OFD1: variants seen among roughly 807,000 people sequenced by gnomAD.
The protein encoded by OFD1 is centriole and centriolar satellite protein OFD1.
In OFD1, 12 loss-of-function variants were observed where a neutral mutation model predicts 81.4. That is an observed-to-expected ratio of 0.15 (90% CI 0.09 to 0.24). The LOEUF is 0.24. Among genes scored for constraint, OFD1 ranks in the 10% least tolerant of loss-of-function variants. The pLI is 1.00. For synonymous variants in OFD1, 256 were observed against 263.7 expected (o/e 0.97, Z 0.28); for missense variants, 685 against 733.9 (o/e 0.93, Z 0.77).
upstream of OFD1, among the ~76,000 whole-genome samples, chrX:13,732,865 C>G (rs1438397362): frequency 1.8e-5 from 2 of 112,817 alleles, no homozygotes; most frequent in African/African-American, 3.2e-5. Context: ...TCTAGAAAAA[C>G]TGCCCTGTGC....
Position 13,735,327 on chromosome X carries a change from G to T in OFD1, c.92G>T (p.Gly31Val). ...CTATACCAGACGTTTAAGGATCGGG[G>T]TATACTGGATACACTCAAGGTATCG... is the stretch of plus-strand genomic sequence containing the variant. ...KKLYQTFKDR[G>V]ILDTLKTQLR... Residue 31 changes from glycine (G) to valine (V), a missense_variant, in exon 2 of 23, where the codon GGT becomes GTT. Gly to Val is a moderately radical substitution (Grantham distance 109). Transcript: ENST00000340096. The T allele has an allele frequency of 8.3e-7, 1 of 1,207,124 alleles. No homozygotes were observed. Among genetic ancestry groups the T allele is most frequent in the Non-Finnish European group, 1.1e-6 (1 of 890,910 alleles).
rs143068732 is a variant in OFD1 at position 13,761,847 on chromosome X, C to T, written c.2388-497C>T. On this transcript the variant is annotated intron_variant, in intron 17 of 22. Transcript: ENST00000340096. Reference sequence around the variant, plus strand: ...GACTCCTTAGCTCCAGGCTCGATCTCGGGCATCTGCATGTTAATGTAGTTC... The same window carrying T: ...GACTCCTTAGCTCCAGGCTCGATCTTGGGCATCTGCATGTTAATGTAGTTC... Among the ~76,000 whole-genome samples, 78 of 105,547 alleles carry T rather than the reference C, an allele frequency of 7.4e-4. No individual in the cohort carries two copies. The East Asian group carries it at 0.019, about 26-fold the overall frequency. The allele number at this position is 105,547 out of a possible 115,157, so 91.7% of individuals were successfully genotyped here.
Position 13,753,074 on chromosome X carries a change from G to T in OFD1, c.1056-294G>T, listed in dbSNP as rs183795540. 215 of 928,919 alleles carry T rather than the reference G, an allele frequency of 2.3e-4. No individual in the cohort carries two copies. In the South Asian group the frequency reaches 5.8e-3, roughly 25 times the overall value. 76.6% of individuals were successfully genotyped at this position (928,919 alleles called of 1,213,427 possible). A position where few individuals can be genotyped will look rare whatever the true frequency, so the allele number is the denominator to read the frequency against. On this transcript the variant is annotated intron_variant, in intron 10 of 22. Transcript: ENST00000340096. ...ATTTACCCCTTTGCTCTTTGTGTCA[G>T]TTGAGACCAACTGAAAAGTGATTGC...
chrX:13,770,950 A>G (rs149101359), downstream of OFD1: 11 of 112,867 alleles, frequency 9.7e-5, no homozygotes, highest in East Asian at 2.8e-3. Context: ...GAATGAAGCT[A>G]TAATTTTATT....
chrX:13,736,171 C>T, intron 2 of OFD1: 3 of 889,332 alleles, frequency 3.4e-6, no homozygotes, highest in Non-Finnish European at 4.1e-6. Context: ...TCGTAAGCTG[C>T]TGAAATGGGC....
chrX:13,754,582 A>C (rs141763020), intron 11 of OFD1, among the ~76,000 whole-genome samples: 1 of 109,734 alleles, frequency 9.1e-6, no homozygotes, highest in East Asian at 2.9e-4. Flanking sequence ...ATGCCTGGCT[A>C]ATTTTTGTAG....
intron 12 of OFD1, among the ~76,000 whole-genome samples, chrX:13,755,946 CTTTTTTT>C (rs34300430): frequency 3.1e-5 from 2 of 65,098 alleles, no homozygotes; most frequent in Non-Finnish European, 5.3e-5. Context: ...CTTTCTTTCC[CTTTTTTT>C]TTTTTTTTTT....
At position 13,769,320 on chromosome X, in the gene OFD1, C is replaced by T. The variant is rs2048256680; in HGVS notation, c.*212C>T. The T allele has an allele frequency of 7.4e-6, 3 of 405,139 alleles. No homozygotes were observed. The East Asian group carries it at 1.2e-4, about 16-fold the overall frequency. The allele number at this position is 405,139 out of a possible 1,213,427, so 33.4% of individuals were successfully genotyped here. A position where few individuals can be genotyped will look rare whatever the true frequency, so the allele number is the denominator to read the frequency against. The stretch of plus-strand genomic sequence containing the variant: ...AACCTCTTCTCCAGTCATAGTATTT[C>T]TCATTCATTATAATAAAAGTAACTG... On this transcript the variant is annotated 3_prime_UTR_variant, in exon 23 of 23. Coordinates refer to ENST00000340096, the MANE Select transcript of OFD1 (RefSeq NM_003611.3).
intron 9 of OFD1, 135 bp downstream of exon 9, chrX:13,749,668 C>A: frequency 2.1e-6 from 1 of 476,557 alleles, no homozygotes; most frequent in African/African-American, 2.4e-5. Flanking sequence ...CTAGAAGGTA[C>A]AAATTAAGAG....
At chrX:13,737,146 CTTT>C (rs1037045357) in intron 3 of OFD1, among the ~76,000 whole-genome samples, 4 of 93,886 alleles carry the variant, frequency 4.3e-5, no homozygotes, top group African/African-American at 1.5e-4. Context: ...AACATGAGCT[CTTT>C]TTTTCCTGCA....
At chrX:13,716,959 AT>A in the OFD1 span, among the ~76,000 whole-genome samples, 4 of 105,500 alleles carry the variant, frequency 3.8e-5, no homozygotes, top group Non-Finnish European at 5.8e-5. Context: ...TTTCATATAA[AT>A]TTTTTTTCAT....
At position 13,763,780 on chromosome X, in the gene OFD1, G is replaced by A. The variant is rs146047094; in HGVS notation, c.2524G>A (p.Gly842Arg). ...GNMPRQLEMGGLSPAGDMSHV... is the reference protein window; with the variant it reads ...GNMPRQLEMGRLSPAGDMSHV... The stretch of plus-strand genomic sequence containing the variant: ...CATGCCAAGGCAGTTGGAAATGGGC[G>A]GGCTTTCTCCTGCCGGGGATATGTC... Residue 842 changes from glycine (G) to arginine (R), a missense_variant, in exon 19 of 23, where the codon GGG (glycine) becomes AGG (arginine). By Grantham distance (125) the Gly-to-Arg change is moderately radical (BLOSUM62 -2). Coordinates refer to ENST00000340096, the MANE Select transcript of OFD1 (RefSeq NM_003611.3). 2.9e-4 allele frequency: 348 copies of A among 1,209,533 alleles called. 1 individual carries two copies. The East Asian group carries it at 9.2e-3, about 32-fold the overall frequency.
chrX:13,725,466 G>T, the OFD1 span, among the ~76,000 whole-genome samples: 1 of 112,331 alleles, frequency 8.9e-6, no homozygotes, highest in South Asian at 3.7e-4. Flanking sequence ...GGCAAACGGG[G>T]TCTGGAGTGG....
At chrX:13,767,433 A>T (rs2048172580) in intron 20 of OFD1, 149 bp downstream of exon 20, 5 of 563,419 alleles carry the variant, frequency 8.9e-6, no homozygotes, top group Non-Finnish European at 1.5e-5. Flanking sequence ...TCCTTGTCTT[A>T]AAAGCAGTGG....
rs2047909079 is a variant in OFD1, at chrX:13,761,078, A to G, written c.2261-7A>G. ...ATATTCTTGCCTTGGTTCTTTCTGC[A>G]CCTTAGGTCTGGGCAGATCACACAT... On this transcript the variant is annotated splice_polypyrimidine_tract_variant and splice_region_variant and intron_variant, in intron 16 of 22. Coordinates refer to ENST00000340096, the MANE Select transcript of OFD1 (RefSeq NM_003611.3). 1 of 1,209,231 alleles carries G rather than the reference A, an allele frequency of 8.3e-7. No individual in the cohort carries two copies. Among genetic ancestry groups the G allele is most frequent in the Non-Finnish European group, 1.1e-6 (1 of 894,985 alleles).
At chrX:13,746,028 C>T (rs2047281623) in intron 6 of OFD1, among the ~76,000 whole-genome samples, 1 of 112,384 alleles carries the variant, frequency 8.9e-6, no homozygotes, top group Non-Finnish European at 1.9e-5. Context: ...TCTTTTTCCT[C>T]TAACATTTCA....
chrX:13,731,120 C>T (rs879114798), upstream of OFD1, among the ~76,000 whole-genome samples: 23 of 112,117 alleles, frequency 2.1e-4, no homozygotes, highest in Admixed American at 2.1e-3. Flanking sequence ...TCATCAGGTC[C>T]TGACAAATTA....
chrX:13,759,990 A>G (rs1390502851), intron 15 of OFD1, 125 bp from the exon 16 acceptor site: 2 of 861,086 alleles, frequency 2.3e-6, no homozygotes, highest in Admixed American at 4.6e-5. Context: ...ATGGCTTCAG[A>G]AACTGTATAG....
chrX:13,735,748 A>T (rs1401110874), intron 2 of OFD1, among the ~76,000 whole-genome samples: 1 of 112,310 alleles, frequency 8.9e-6, no homozygotes, highest in Non-Finnish European at 1.9e-5. Context: ...ACTGCTTAAT[A>T]ATAGTTTGGG....
Sources: gnomAD v4.1 joint callset for allele counts (sites outside exome capture counted in the v4.1 genomes callset) on GRCh38, gnomAD v4.1.1 for gene constraint, MANE v1.5 for transcripts, NCBI Gene and HGNC (gene_info 2026-07-23, HGNC 2026-07-21) for gene names.